UBOX5: variants seen among roughly 807,000 people sequenced by gnomAD.
UBOX5 encodes the protein U-box domain containing 5, also known as RING finger protein 37.
UBOX5 carries 28 observed loss-of-function variants against 39.0 expected under a neutral mutation model. The ratio of observed to expected loss-of-function variants is 0.72; its 90% confidence interval spans 0.53 to 0.98. The LOEUF (loss-of-function observed/expected upper bound fraction) is 0.98. Ranked by LOEUF, UBOX5 falls within the 50% of genes least tolerant of loss-of-function variation. UBOX5 has a pLI of 0.00. For synonymous variants in UBOX5, 283 were observed against 275.5 expected (o/e 1.03, Z -0.27); for missense variants, 585 against 674.4 (o/e 0.87, Z 1.47).
In UBOX5 at chr20:3,107,760, G is replaced by C. The variant is rs565180625; in HGVS notation, c.*2346C>G. 3.3e-5 allele frequency: 5 copies of C among 152,310 alleles called. No individual in the cohort carries two copies. Among genetic ancestry groups the C allele is most frequent in the African/African-American group, 9.6e-5 (4 of 41,562 alleles). The allele number at this position is 152,310 out of a possible 1,614,324, so 9.4% of individuals were successfully genotyped here. A position where few individuals can be genotyped will look rare whatever the true frequency, so the allele number is the denominator to read the frequency against. ...ACCCAGGACAGGGCCTGCCACTCCA[G>C]GGGCTCCCAGGCTGGATTTTCCACC... is the stretch of plus-strand genomic sequence containing the variant. On this transcript the variant is annotated 3_prime_UTR_variant, in exon 5 of 5. Transcript: ENST00000217173. This position sits in a 1 kb window ranked among gnomAD's most constrained non-coding sequence, Gnocchi z 5.0.
In UBOX5 at chr20:3,110,079, G is replaced by A. The variant is rs762001517; in HGVS notation, c.*27C>T. ...TTCCCCCTCAGCTCCTCCCAGCAAT[G>A]GGTCTCCTCCAGTGGAGGTCAGTCA... On this transcript the variant is annotated 3_prime_UTR_variant, in exon 5 of 5. Coordinates refer to ENST00000217173, the MANE Select transcript of UBOX5 (RefSeq NM_014948.4). 6.2e-7 allele frequency: 1 copy of A among 1,607,400 alleles called. No individual in the cohort carries two copies. Among genetic ancestry groups the A allele is most frequent in the East Asian group, 2.2e-5 (1 of 44,854 alleles).
At chr20:3,158,763 T>C (rs577298292) in intron 1 of UBOX5, among the ~76,000 whole-genome samples, 20 of 152,362 alleles carry the variant, frequency 1.3e-4, no homozygotes, top group South Asian at 2.1e-4. Context: ...CGTGAGCCAC[T>C]GTGTCCGGCC....
In UBOX5 at chr20:3,149,218, A is replaced by T. The variant is rs1482711673; in HGVS notation, c.-42+10548T>A. The T allele has an allele frequency of 1.3e-6, 1 of 780,266 alleles. No individual in the cohort carries two copies. The highest frequency in any genetic ancestry group is 2.7e-5 in the East Asian group (1 of 37,084). The allele number at this position is 780,266 out of a possible 1,614,324, so 48.3% of individuals were successfully genotyped here. ...CTGGAAATCTTCAGCATATCACAAG[A>T]GCCAGGGATCACAAATGACTGGGTC... On this transcript the variant is annotated intron_variant, in intron 1 of 4. Coordinates refer to ENST00000217173, the MANE Select transcript of UBOX5 (RefSeq NM_014948.4). The surrounding 1 kb of genome is among the most constrained non-coding windows in gnomAD (Gnocchi z 4.1).
chr20:3,134,351 G>T (rs1201703073), intron 1 of UBOX5, among the ~76,000 whole-genome samples: 1 of 151,954 alleles, frequency 6.6e-6, no homozygotes, highest in Non-Finnish European at 1.5e-5. Context: ...AAAAAATGCT[G>T]CAATAAACAT....
At chr20:3,148,413 G>T in intron 1 of UBOX5, 1 of 1,614,156 alleles carries the variant, frequency 6.2e-7, no homozygotes, top group Non-Finnish European at 8.5e-7. Context: ...GAATGGGAGT[G>T]AGGGATTCCT....
rs1190910269 is a variant in UBOX5 at position 3,122,416 on chromosome 20, C to T, written c.223G>A (p.Gly75Ser). The T allele has an allele frequency of 1.2e-6, 2 of 1,614,186 alleles. No individual in the cohort carries two copies. Among genetic ancestry groups the T allele is most frequent in the South Asian group, 2.2e-5 (2 of 91,088 alleles). ...ATTTCCAGGCCAGTGACGTTCTGACCTCCCCCAGCTGTGAGGTCTATGTTG... is the reference window on the plus strand; with the variant it reads ...ATTTCCAGGCCAGTGACGTTCTGACTTCCCCCAGCTGTGAGGTCTATGTTG... ...RINIDLTAGG[G>S]QNVTGLEMYT... The change falls in exon 3 of 5, where the codon GGT becomes AGT. Residue 75 changes from glycine (G) to serine (S), a missense_variant. Coordinates refer to ENST00000217173, the MANE Select transcript of UBOX5 (RefSeq NM_014948.4).
chr20:3,127,548 T>TA (rs1260812364), intron 1 of UBOX5, among the ~76,000 whole-genome samples: 4 of 152,198 alleles, frequency 2.6e-5, no homozygotes, highest in Non-Finnish European at 4.4e-5. Flanking sequence ...TTCAGACCTT[T>TA]ACCAAGAGAT....
Position 3,110,420 on chromosome 20 carries a change from T to C in UBOX5, c.1418-106A>G, listed in dbSNP as rs1001658091. 2.1e-4 allele frequency: 272 copies of C among 1,312,738 alleles called. 1 individual carries two copies. Among genetic ancestry groups the C allele is most frequent in the Non-Finnish European group, 2.7e-4 (253 of 923,702 alleles). 81.3% of individuals were successfully genotyped at this position (1,312,738 alleles called of 1,614,324 possible). ...CCACCGTGCTGCTGCAGCATCTGGC[T>C]TCATCCCTCCCGAGTCCATCCCAGT... On this transcript the variant is annotated intron_variant, in intron 4 of 4. Transcript: ENST00000217173.
intron 1 of UBOX5, among the ~76,000 whole-genome samples, chr20:3,154,037 CAA>C (rs1232211221): frequency 3.3e-5 from 5 of 152,138 alleles, no homozygotes; most frequent in Non-Finnish European, 1.5e-5. Context: ...CTACATGAGG[CAA>C]AGAGTTCGCA....
rs1360161490 is a variant in UBOX5 at position 3,121,792 on chromosome 20, C to A, written c.847G>T (p.Val283Phe). The change falls in exon 3 of 5, where the codon GTC (valine) becomes TTC (phenylalanine). Residue 283 changes from valine (V) to phenylalanine (F), a missense_variant. By Grantham distance (50) the Val-to-Phe change is conservative (BLOSUM62 -1). Coordinates refer to ENST00000217173, the MANE Select transcript of UBOX5 (RefSeq NM_014948.4). Reference protein sequence around the residue: ...PCPMLLPSGKVIDQSTLEKCN... With the variant: ...PCPMLLPSGKFIDQSTLEKCN... The stretch of plus-strand genomic sequence containing the variant: ...TTCTCCAGTGTGCTCTGGTCGATGA[C>A]CTTGCCTGAGGGCAGCAGCATGGGA... The A allele has an allele frequency of 1.3e-5, 21 of 1,614,044 alleles. No homozygotes were observed. Among genetic ancestry groups the A allele is most frequent in the Admixed American group, 1.7e-5 (1 of 60,006 alleles).
In UBOX5 at chr20:3,121,763, A is replaced by G; in HGVS notation, c.876T>C (p.Cys292=). ...KVIDQSTLEK[C]NRSEATWGRV... ...GGCCCCATGTGGCTTCACTGCGGTT[A>G]CACTTCTCCAGTGTGCTCTGGTCGA... Residue 292 remains cysteine (C), a synonymous_variant, in exon 3 of 5, where the codon TGT becomes TGC. Transcript: ENST00000217173. 1 of 1,614,056 alleles carries G rather than the reference A, an allele frequency of 6.2e-7. No homozygotes were observed. Among genetic ancestry groups the G allele is most frequent in the Non-Finnish European group, 8.5e-7 (1 of 1,180,018 alleles).
Position 3,110,296 on chromosome 20 carries a change from A to G in UBOX5, c.1436T>C (p.Leu479Pro), listed in dbSNP as rs34205880. ...GTGSEQPGSILGPECASCKRV... is the reference protein window; with the variant it reads ...GTGSEQPGSIPGPECASCKRV... ...TTTGCAGGAGGCACATTCGGGGCCC[A>G]GGATGCTCCCAGGCTGCTCTGGTAA... Residue 479 changes from leucine (L) to proline (P), a missense_variant, in exon 5 of 5, where the codon CTG becomes CCG. By Grantham distance (98) the Leu-to-Pro change is moderately conservative (BLOSUM62 -3). Coordinates refer to ENST00000217173, the MANE Select transcript of UBOX5 (RefSeq NM_014948.4). 133,598 of 1,614,072 alleles carry G rather than the reference A, an allele frequency of 0.083. 6,276 individuals carry two copies. The highest frequency in any genetic ancestry group is 0.096 in the Non-Finnish European group (113,763 of 1,179,996).
At chr20:3,126,520 A>G (rs966638685) in intron 1 of UBOX5, among the ~76,000 whole-genome samples, 17 of 151,538 alleles carry the variant, frequency 1.1e-4, no homozygotes, top group South Asian at 4.2e-4. Flanking sequence ...CTAAAAAAAA[A>G]AAAAGAAAAG....
chr20:3,120,840 C>G (rs375733131), intron 3 of UBOX5, among the ~76,000 whole-genome samples: 1 of 152,126 alleles, frequency 6.6e-6, no homozygotes, highest in South Asian at 2.1e-4. Context: ...AGTCCTTTTT[C>G]CTTTTCTGTG....
Position 3,122,523 on chromosome 20 carries a change from T to C in UBOX5, c.116A>G (p.His39Arg), listed in dbSNP as rs367998161. ...LISEDLTKRSHGFRTEYFIKP... is the reference protein window; with the variant it reads ...LISEDLTKRSRGFRTEYFIKP... ...AATGAAATACTCTGTCCTGAAACCA[T>C]GACTTCTCTTTGTGAGATCTTCAGA... is the stretch of plus-strand genomic sequence containing the variant. The change falls in exon 3 of 5, where the codon CAT becomes CGT. Residue 39 changes from histidine to arginine, a missense_variant. By Grantham distance (29) the His-to-Arg change is conservative (BLOSUM62 0). Transcript: ENST00000217173. 81 of 1,612,188 alleles carry C rather than the reference T, an allele frequency of 5.0e-5. No individual in the cohort carries two copies. The highest frequency in any genetic ancestry group is 8.4e-5 in the Admixed American group (5 of 59,746).
At chr20:3,131,144 G>A (rs571045982) in intron 1 of UBOX5, among the ~76,000 whole-genome samples, 1 of 151,714 alleles carries the variant, frequency 6.6e-6, no homozygotes, top group South Asian at 2.1e-4. Context: ...CAGAAGAATC[G>A]CTTGAACCTA....
At position 3,139,317 on chromosome 20, in the gene UBOX5, T is replaced by C. The variant is rs554421369; in HGVS notation, c.-41-15911A>G. On this transcript the variant is annotated intron_variant, in intron 1 of 4. Coordinates refer to ENST00000217173, the MANE Select transcript of UBOX5 (RefSeq NM_014948.4). ...CAGTTTTATACCACGTGGAGCCAAGTCACCCTCTAAGGGCTTAACATGTGC... is the reference window on the plus strand; with the variant it reads ...CAGTTTTATACCACGTGGAGCCAAGCCACCCTCTAAGGGCTTAACATGTGC... 3.3e-5 allele frequency among the ~76,000 whole-genome samples: 5 copies of C among 152,316 alleles called. No homozygotes were observed. The East Asian group carries it at 5.8e-4, about 18-fold the overall frequency.
intron 1 of UBOX5, chr20:3,148,807 G>A (rs2066595569): frequency 6.2e-7 from 1 of 1,614,174 alleles, no homozygotes; most frequent in African/African-American, 1.3e-5. Flanking sequence ...GCAATGTACT[G>A]GCCTTAGAGG....
intron 1 of UBOX5, among the ~76,000 whole-genome samples, chr20:3,141,682 C>T (rs2066518529): frequency 6.6e-6 from 1 of 151,516 alleles, no homozygotes; most frequent in South Asian, 2.1e-4. Flanking sequence ...AAATAACTTC[C>T]TCAACATGAT....
Sources: gnomAD v4.1 joint callset for allele counts (sites outside exome capture counted in the v4.1 genomes callset) on GRCh38, gnomAD v4.1.1 for gene constraint, Gnocchi (gnomAD v3.1) non-coding constraint, MANE v1.5 for transcripts, NCBI Gene and HGNC (gene_info 2026-07-23, HGNC 2026-07-21) for gene names.